SCP2: variants seen among roughly 807,000 people sequenced by gnomAD.
The protein encoded by SCP2 is sterol carrier protein 2.
Under a neutral mutation model 71.4 loss-of-function variants are expected in SCP2, and 48 were observed. The observed-to-expected ratio is 0.67, with a 90% CI of 0.53 to 0.86. The LOEUF is 0.86. SCP2 is among the 40% of genes least tolerant of loss of function. The pLI, the probability that SCP2 is intolerant of heterozygous loss-of-function variation, is 0.00. For missense variants in SCP2, 560 were observed against 655.6 expected (o/e 0.85, Z 1.59); for synonymous variants, 220 against 218.1 (o/e 1.01, Z -0.08).
intron 11 of SCP2, chr1:52,994,571 A>C: frequency 3.3e-6 from 1 of 302,530 alleles, no homozygotes; most frequent in Non-Finnish European, 6.5e-6. Flanking sequence ...TCTGCCTCTC[A>C]GAACCTTCCT....
chr1:52,979,446 G>A (rs1406588184), intron 9 of SCP2, among the ~76,000 whole-genome samples: 1 of 151,538 alleles, frequency 6.6e-6, no homozygotes, highest in East Asian at 1.9e-4. Context: ...CTCCCAAAGT[G>A]CCAAAGTGCT....
intron 3 of SCP2, among the ~76,000 whole-genome samples, chr1:52,950,025 G>A (rs1243681136): frequency 6.6e-6 from 1 of 152,182 alleles, no homozygotes; most frequent in Non-Finnish European, 1.5e-5. Context: ...TTGGCATGCA[G>A]GGTCTTTTAA....
At chr1:52,958,241 T>C (rs948417105) in intron 5 of SCP2, among the ~76,000 whole-genome samples, 3 of 151,942 alleles carry the variant, frequency 2.0e-5, no homozygotes. Flanking sequence ...AGTTTTTTTT[T>C]TTTTTTGAGA....
chr1:53,020,245 C>G (rs1661627238), intron 12 of SCP2, among the ~76,000 whole-genome samples: 1 of 151,096 alleles, frequency 6.6e-6, no homozygotes, highest in Non-Finnish European at 1.5e-5. Flanking sequence ...GATCACACTA[C>G]TGGCTTTGAG....
chr1:53,038,293 C>T (rs1377291678), intron 13 of SCP2, among the ~76,000 whole-genome samples: 6 of 152,020 alleles, frequency 3.9e-5, no homozygotes, highest in Non-Finnish European at 8.8e-5. Context: ...GGGATCTCTA[C>T]ATTAAAGATG....
At chr1:52,947,951 C>T (rs1459716390) in intron 2 of SCP2, 58 bp from the exon 3 acceptor site, 1 of 1,165,274 alleles carries the variant, frequency 8.6e-7, no homozygotes, top group Non-Finnish European at 1.3e-6. Context: ...ACTTAATTTT[C>T]ACTCTCCTAA....
chr1:53,033,743 A>G (rs530939424), intron 13 of SCP2, among the ~76,000 whole-genome samples: 130 of 152,296 alleles, frequency 8.5e-4, no homozygotes, highest in African/African-American at 2.8e-3. Flanking sequence ...TGATGTAGCC[A>G]CTTTGGGAGT....
At chr1:53,038,825 T>G in intron 13 of SCP2, 92 bp from the exon 14 acceptor site, 1 of 1,513,136 alleles carries the variant, frequency 6.6e-7, no homozygotes, top group South Asian at 1.1e-5. Flanking sequence ...GCCCGTATAC[T>G]CATATCATGT....
chr1:53,017,353 A>G (rs1661405364), intron 12 of SCP2, among the ~76,000 whole-genome samples: 1 of 152,222 alleles, frequency 6.6e-6, no homozygotes, highest in Admixed American at 6.5e-5. Flanking sequence ...GCACCCATGT[A>G]GTCAACCCTT....
At chr1:52,956,481 T>C (rs1195225145) in intron 5 of SCP2, among the ~76,000 whole-genome samples, 2 of 152,230 alleles carry the variant, frequency 1.3e-5, no homozygotes, top group South Asian at 2.1e-4. Context: ...TGGCACTTAA[T>C]AGGCATTCAA....
At chr1:52,990,426 T>C (rs11206062) in intron 11 of SCP2, among the ~76,000 whole-genome samples, 6,766 of 151,950 alleles carry the variant, frequency 0.045, 464 homozygotes, top group African/African-American at 0.15. Context: ...GGAAACCATA[T>C]ATAAAGAACT....
intron 4 of SCP2, among the ~76,000 whole-genome samples, chr1:52,951,555 TAAAAA>T (rs563183018): frequency 5.5e-5 from 4 of 72,608 alleles, no homozygotes; most frequent in East Asian, 8.1e-4. Context: ...AGACTGTCTC[TAAAAA>T]AAAAAAAAAA....
chr1:52,945,760 T>C lies in SCP2; in HGVS notation c.128-2249T>C, dbSNP rs527439557. 3.3e-5 allele frequency among the ~76,000 whole-genome samples: 5 copies of C among 152,024 alleles called. No individual in the cohort carries two copies. The East Asian group carries it at 7.7e-4, about 23-fold the overall frequency. Reference sequence around the variant, plus strand: ...GTTGTGCATAATATATATATATATATGCCATTATTTTTGTTGGACATTTAG... The same window carrying C: ...GTTGTGCATAATATATATATATATACGCCATTATTTTTGTTGGACATTTAG... On this transcript the variant is annotated intron_variant, in intron 2 of 15. Coordinates refer to ENST00000371514, the MANE Select transcript of SCP2 (RefSeq NM_002979.5).
chr1:52,970,431 G>A (rs773186661), intron 6 of SCP2, among the ~76,000 whole-genome samples: 7 of 151,988 alleles, frequency 4.6e-5, no homozygotes, highest in Admixed American at 3.3e-4. Context: ...CTCCTTCACC[G>A]CTCAATTGCA....
intron 13 of SCP2, among the ~76,000 whole-genome samples, chr1:53,033,932 G>A (rs1662736537): frequency 6.6e-6 from 1 of 152,122 alleles, no homozygotes; most frequent in South Asian, 2.1e-4. Context: ...AACAAAACAT[G>A]TTACATCCAT....
In SCP2 at chr1:52,947,009, C is replaced by T. The variant is rs555059717; in HGVS notation, c.128-1000C>T. ...CTGGGAGGTGGAGGTTGCAGTGAGC[C>T]GAGATCGCGCCCTTGCCCTCCAGCC... On this transcript the variant is annotated intron_variant, in intron 2 of 15. Transcript: ENST00000371514. Among the ~76,000 whole-genome samples the T allele has an allele frequency of 6.1e-5, 9 of 146,832 alleles. No individual in the cohort carries two copies. The South Asian group carries it at 1.7e-3, about 28-fold the overall frequency.
chr1:52,955,092 G>A (rs1223318095), intron 5 of SCP2, among the ~76,000 whole-genome samples: 2 of 152,160 alleles, frequency 1.3e-5, no homozygotes, highest in African/African-American at 2.4e-5. Flanking sequence ...AAATTGAAGA[G>A]AGTTAATAAA....
chr1:52,968,235 C>T (rs369719909), intron 6 of SCP2, among the ~76,000 whole-genome samples: 4 of 152,124 alleles, frequency 2.6e-5, no homozygotes, highest in African/African-American at 4.8e-5. Context: ...GCCACCACGC[C>T]GGCCTCTCTT....
rs1443114295 is a variant in SCP2, at chr1:53,000,595, G to GTACT, written c.1081+12460_1081+12463dup. 1.3e-3 allele frequency among the ~76,000 whole-genome samples: 191 copies of GTACT among 152,246 alleles called. 3 individuals carry two copies. Among genetic ancestry groups the GTACT allele is most frequent in the East Asian group, 7.7e-4 (4 of 5,182 alleles). On this transcript the variant is annotated intron_variant, in intron 11 of 15. Coordinates refer to ENST00000371514, the MANE Select transcript of SCP2 (RefSeq NM_002979.5). ...TATTGTGCACCCACCTCATCATTAG[G>GTACT]TACTGTAGGGCTGTGAAATACGAGG...
Sources: allele counts gnomAD v4.1 joint callset (sites outside exome capture counted in the v4.1 genomes callset), GRCh38; gene constraint gnomAD v4.1.1; transcripts MANE v1.5; gene names NCBI Gene and HGNC (gene_info 2026-07-23, HGNC 2026-07-21).